GPSM2: variants seen among roughly 807,000 people sequenced by gnomAD.
GPSM2 encodes the protein G protein-signaling modulator 2.
In GPSM2, 58 loss-of-function variants were observed where a neutral mutation model predicts 78.4. The observed-to-expected ratio is 0.74, with a 90% CI of 0.60 to 0.92. GPSM2 has a LOEUF of 0.92. Ranked by LOEUF, GPSM2 falls within the 40% of genes least tolerant of loss-of-function variation. GPSM2 has a pLI of 0.00. For missense variants in GPSM2, 700 were observed against 815.5 expected (o/e 0.86, Z 1.73); for synonymous variants, 224 against 280.2 (o/e 0.80, Z 2.00).
At chr1:108,924,520 G>T (rs1322483423) in intron 14 of GPSM2, among the ~76,000 whole-genome samples, 1 of 152,170 alleles carries the variant, frequency 6.6e-6, no homozygotes, top group Non-Finnish European at 1.5e-5. Context: ...TTTAAAGGAG[G>T]ATAAAGGGGT....
Position 108,914,320 on chromosome 1 carries a change from A to T in GPSM2, c.1193-18A>T. On this transcript the variant is annotated intron_variant, in intron 10 of 14. Coordinates refer to ENST00000264126, the MANE Select transcript of GPSM2 (RefSeq NM_013296.5). ...AAGGGCTCCCTGGTTTATTTGAATT[A>T]ATTTTTTTTAAACAAAGGTGTACGC... 6.4e-7 allele frequency: 1 copy of T among 1,567,778 alleles called. No homozygotes were observed. Among genetic ancestry groups the T allele is most frequent in the South Asian group, 1.1e-5 (1 of 90,018 alleles).
chr1:108,909,235 T>G (rs1649513321), intron 10 of GPSM2, among the ~76,000 whole-genome samples: 1 of 152,228 alleles, frequency 6.6e-6, no homozygotes, highest in Non-Finnish European at 1.5e-5. Flanking sequence ...TTTTTTAATA[T>G]GGGGTCACAC....
At chr1:108,907,001 T>C (rs1002495791) in intron 10 of GPSM2, among the ~76,000 whole-genome samples, 14 of 152,014 alleles carry the variant, frequency 9.2e-5, no homozygotes, top group African/African-American at 3.4e-4. Context: ...TCAAAACCCT[T>C]CAGTTAGTTC....
intron 8 of GPSM2, 132 bp from the exon 9 acceptor site, chr1:108,902,994 T>C (rs1645906973): frequency 3.0e-6 from 2 of 664,764 alleles, no homozygotes; most frequent in Non-Finnish European, 5.4e-6. Flanking sequence ...ATCATGATAG[T>C]ATGTTATTTA....
At chr1:108,883,183 A>T (rs1647255907) in intron 1 of GPSM2, among the ~76,000 whole-genome samples, 1 of 152,006 alleles carries the variant, frequency 6.6e-6, no homozygotes, top group Non-Finnish European at 1.5e-5. Flanking sequence ...TAATGTGAAA[A>T]CCTCATTTCC....
At chr1:108,899,636 A>G (rs1379473674) in intron 7 of GPSM2, among the ~76,000 whole-genome samples, 1 of 152,236 alleles carries the variant, frequency 6.6e-6, no homozygotes, top group Non-Finnish European at 1.5e-5. Flanking sequence ...TAGAAAGTTT[A>G]GACAGCTTCA....
rs727505300 is a variant in GPSM2 at position 108,898,002 on chromosome 1, ATG to A, written c.459_460del (p.Ala154GlnfsTer32). The A allele has an allele frequency of 6.2e-7, 1 of 1,613,996 alleles. No homozygotes were observed. On this transcript the variant is annotated frameshift_variant, in exon 5 of 15. Coordinates refer to ENST00000264126, the MANE Select transcript of GPSM2 (RefSeq NM_013296.5). LOFTEE classifies it high-confidence loss of function. ...CTTTACAATCTTGGGAATGTGTATC[ATG>A]CCAAAGGGAAAAGTTTTGGTTGCCC...
intron 11 of GPSM2, among the ~76,000 whole-genome samples, chr1:108,917,889 T>A (rs1650398758): frequency 6.6e-6 from 1 of 151,602 alleles, no homozygotes; most frequent in Non-Finnish European, 1.5e-5. Context: ...AGGGTTTATA[T>A]GGCTTCCAAT....
At chr1:108,911,514 G>A (rs1164811170) in intron 10 of GPSM2, among the ~76,000 whole-genome samples, 1 of 151,974 alleles carries the variant, frequency 6.6e-6, no homozygotes, top group African/African-American at 2.4e-5. Flanking sequence ...GCAACACAGC[G>A]AAACTCCATC....
chr1:108,921,677 T>C (rs1026512913), intron 12 of GPSM2, among the ~76,000 whole-genome samples: 4 of 152,180 alleles, frequency 2.6e-5, no homozygotes, highest in African/African-American at 7.2e-5. Flanking sequence ...TAAAAACTTT[T>C]TGGATTGCAT....
In GPSM2 at chr1:108,897,544, A is replaced by G; in HGVS notation, c.331A>G (p.Thr111Ala). 6.2e-7 allele frequency: 1 copy of G among 1,613,554 alleles called. No individual in the cohort carries two copies. Among genetic ancestry groups the G allele is most frequent in the East Asian group, 2.2e-5 (1 of 44,860 alleles). The change falls in exon 4 of 15, where the codon ACC becomes GCC. Residue 111 changes from threonine (T) to alanine (A), a missense_variant. Thr to Ala is a moderately conservative substitution (Grantham distance 58). Coordinates refer to ENST00000264126, the MANE Select transcript of GPSM2 (RefSeq NM_013296.5). ...EAKASGNLGN[T>A]LKVLGNFDEA... ...GAAAGCTAGTGGTAATCTGGGAAAC[A>G]CCTTAAAAGTTCTTGGGAATTTTGA...
At chr1:108,898,820 T>C in intron 6 of GPSM2, 55 bp downstream of exon 6, 1 of 1,606,336 alleles carries the variant, frequency 6.2e-7, no homozygotes, top group Non-Finnish European at 8.5e-7. Flanking sequence ...TTCTGAACAG[T>C]GATTAGATCA....
chr1:108,919,515 A>G (rs1313104500), intron 12 of GPSM2, among the ~76,000 whole-genome samples: 2 of 152,210 alleles, frequency 1.3e-5, no homozygotes, highest in Non-Finnish European at 2.9e-5. Context: ...CTACAATGAT[A>G]GAATTACAAA....
chr1:108,930,906 AGCAAGCAT>A lies in GPSM2; in HGVS notation c.*969_*976del, dbSNP rs1651842283. The stretch of plus-strand genomic sequence containing the variant: ...ACTCTGTCTCAAAAAAAAAAAAAAC[AGCAAGCAT>A]GCTGGCACACACCTGTAGTCCCAAC... On this transcript the variant is annotated 3_prime_UTR_variant, in exon 15 of 15. Transcript: ENST00000264126. The A allele has an allele frequency of 7.6e-6, 1 of 130,842 alleles. No homozygotes were observed. Among genetic ancestry groups the A allele is most frequent in the Non-Finnish European group, 1.6e-5 (1 of 62,686 alleles). 8.1% of individuals were successfully genotyped at this position (130,842 alleles called of 1,614,324 possible). A position where few individuals can be genotyped will look rare whatever the true frequency, so the allele number is the denominator to read the frequency against.
intron 10 of GPSM2, among the ~76,000 whole-genome samples, chr1:108,904,711 C>CA (rs1177622192): frequency 1.3e-5 from 2 of 151,538 alleles, no homozygotes; most frequent in Non-Finnish European, 2.9e-5. Flanking sequence ...TTTCTTAGGA[C>CA]TTTTTTAAAT....
At chr1:108,886,872 G>A (rs543049230) in intron 2 of GPSM2, among the ~76,000 whole-genome samples, 3 of 151,816 alleles carry the variant, frequency 2.0e-5, no homozygotes, top group East Asian at 3.9e-4. Flanking sequence ...GAGTGTGTGT[G>A]TGTGTGTTTT....
At chr1:108,895,365 A>G (rs909980271) in intron 2 of GPSM2, among the ~76,000 whole-genome samples, 2 of 152,270 alleles carry the variant, frequency 1.3e-5, no homozygotes, top group African/African-American at 4.8e-5. Context: ...CTGGTGGTAC[A>G]TAAGGTAACT....
Position 108,929,691 on chromosome 1 carries a change from A to G in GPSM2, c.1816-10A>G, listed in dbSNP as rs1651564377. The G allele has an allele frequency of 5.0e-6, 8 of 1,612,358 alleles. No homozygotes were observed. Among genetic ancestry groups the G allele is most frequent in the Non-Finnish European group, 6.8e-6 (8 of 1,178,538 alleles). On this transcript the variant is annotated splice_polypyrimidine_tract_variant and intron_variant, in intron 14 of 14. Transcript: ENST00000264126. ...CAGTATGTCTTTTAATCTCTCTCAT[A>G]AACTTCTAGGGATCCAGATTAGATG...
chr1:108,923,939 G>GT, intron 13 of GPSM2, 61 bp from the exon 14 acceptor site: 3 of 1,228,660 alleles, frequency 2.4e-6, no homozygotes, highest in South Asian at 1.2e-5. Context: ...ATGTGCCTAG[G>GT]TTTTTTTGTT....
Sources: gnomAD v4.1 joint callset for allele counts (sites outside exome capture counted in the v4.1 genomes callset) on GRCh38, gnomAD v4.1.1 for gene constraint, MANE v1.5 for transcripts, NCBI Gene and HGNC (gene_info 2026-07-23, HGNC 2026-07-21) for gene names.